GASK1B: variants seen among roughly 807,000 people sequenced by gnomAD.
GASK1B encodes the protein golgi associated kinase 1B.
Under a neutral mutation model 42.8 loss-of-function variants are expected in GASK1B, and 34 were observed. The observed-to-expected ratio is 0.79, with a 90% CI of 0.60 to 1.06. The LOEUF is 1.06. Ranked by LOEUF, GASK1B falls within the 50% of genes least tolerant of loss-of-function variation. The pLI, the probability that GASK1B is intolerant of heterozygous loss-of-function variation, is 0.00. For missense variants in GASK1B, 686 were observed against 661.0 expected (o/e 1.04, Z -0.42); for synonymous variants, 262 against 259.1 (o/e 1.01, Z -0.11).
chr4:158,150,688 C>G (rs1208738602), intron 3 of GASK1B, among the ~76,000 whole-genome samples: 1 of 152,180 alleles, frequency 6.6e-6, no homozygotes, highest in Non-Finnish European at 1.5e-5. Context: ...AGGATGCCTA[C>G]TTCACAGAAC....
At chr4:158,130,752 T>C in intron 4 of GASK1B, 34 bp downstream of exon 4, 1 of 1,480,626 alleles carries the variant, frequency 6.8e-7, no homozygotes, top group Non-Finnish European at 9.4e-7. Context: ...CTAACATAAA[T>C]GTGATGTCCT....
rs749757738 is a variant in GASK1B at position 158,171,066 on chromosome 4, G to C, written c.310C>G (p.Pro104Ala). ...ESQGNGSTLQ[P>A]NVVYITLRSK... ...CGTAGGGTAATGTACACCACATTGG[G>C]CTGCAGAGTGGACCCATTGCCCTGG... Residue 104 changes from proline to alanine, a missense_variant, in exon 2 of 5, where the codon CCC (proline) becomes GCC (alanine). Transcript: ENST00000585682. The C allele has an allele frequency of 3.5e-5, 56 of 1,611,834 alleles. No homozygotes were observed. The Admixed American group carries it at 9.2e-4, about 26-fold the overall frequency.
At chr4:158,127,635 T>G (rs1730513195) in intron 4 of GASK1B, 21 bp from the exon 5 acceptor site, 7 of 1,603,936 alleles carry the variant, frequency 4.4e-6, no homozygotes, top group Non-Finnish European at 6.0e-6. Flanking sequence ...AAAATGATAT[T>G]TCAATCTTAG....
chr4:158,131,260 C>T (rs1217713741), intron 3 of GASK1B, among the ~76,000 whole-genome samples: 1 of 152,164 alleles, frequency 6.6e-6, no homozygotes, highest in Non-Finnish European at 1.5e-5. Context: ...TTAGGCATCT[C>T]CACCCTAAAT....
intron 3 of GASK1B, among the ~76,000 whole-genome samples, chr4:158,154,587 T>C (rs1731687008): frequency 6.6e-6 from 1 of 152,140 alleles, no homozygotes; most frequent in Non-Finnish European, 1.5e-5. Flanking sequence ...CAATTTGCAA[T>C]TGCAAAAATA....
intron 3 of GASK1B, among the ~76,000 whole-genome samples, chr4:158,141,218 TC>T (rs1053154916): frequency 8.0e-4 from 121 of 152,146 alleles, no homozygotes; most frequent in African/African-American, 2.8e-3. Flanking sequence ...ATGTGAGGAA[TC>T]TATATGTTTC....
intron 3 of GASK1B, among the ~76,000 whole-genome samples, chr4:158,131,352 T>C (rs1041604924): frequency 6.6e-6 from 1 of 152,192 alleles, no homozygotes; most frequent in Non-Finnish European, 1.5e-5. Context: ...GAAACACCAT[T>C]GTACTTCTAT....
intron 3 of GASK1B, among the ~76,000 whole-genome samples, chr4:158,149,683 T>C (rs1475979477): frequency 6.6e-6 from 1 of 152,180 alleles, no homozygotes; most frequent in South Asian, 2.1e-4. Context: ...TCACTCTAGG[T>C]ACTTTCATTC....
chr4:158,132,123 G>C (rs1730707854), intron 3 of GASK1B, among the ~76,000 whole-genome samples: 2 of 152,176 alleles, frequency 1.3e-5, no homozygotes, highest in Admixed American at 1.3e-4. Context: ...ATATTAGTAA[G>C]TAAGTAGCAA....
At position 158,155,673 on chromosome 4, in the gene GASK1B, C is replaced by G. The variant is rs1291649804; in HGVS notation, c.1063G>C (p.Gly355Arg). The G allele has an allele frequency of 6.2e-7, 1 of 1,613,884 alleles. No individual in the cohort carries two copies. Among genetic ancestry groups the G allele is most frequent in the South Asian group, 1.1e-5 (1 of 91,074 alleles). Residue 355 changes from glycine to arginine, a missense_variant, in exon 3 of 5, where the codon GGT (glycine) becomes CGT (arginine). Coordinates refer to ENST00000585682, the MANE Select transcript of GASK1B (RefSeq NM_001128424.2). ...QNGRVPKPES[G>R]CTEIHHHEWS... is the part of the protein sequence containing the mutation. ...TCATGATGATGTATTTCAGTACAAC[C>G]CGATTCAGGCTTGGGTACTCGGCCA...
chr4:158,155,597 T>A lies in GASK1B; in HGVS notation c.1125+14A>T, dbSNP rs1731726039. ...CAGTCTTAGATAACTATTTGCTTGATTTGATAAACTTACCTGTAACAAAAA... is the reference window on the plus strand; with the variant it reads ...CAGTCTTAGATAACTATTTGCTTGAATTGATAAACTTACCTGTAACAAAAA... On this transcript the variant is annotated intron_variant, in intron 3 of 4. Transcript: ENST00000585682. 1.9e-6 allele frequency: 3 copies of A among 1,609,028 alleles called. No individual in the cohort carries two copies. In the East Asian group the frequency reaches 6.7e-5, roughly 36 times the overall value.
At chr4:158,166,628 T>C (rs1732240638) in intron 2 of GASK1B, among the ~76,000 whole-genome samples, 1 of 152,134 alleles carries the variant, frequency 6.6e-6, no homozygotes, top group African/African-American at 2.4e-5. Context: ...TTTAATGAAA[T>C]AATGCAAGCA....
At chr4:158,152,572 C>T (rs576735349) in intron 3 of GASK1B, among the ~76,000 whole-genome samples, 3 of 152,088 alleles carry the variant, frequency 2.0e-5, no homozygotes, top group African/African-American at 7.2e-5. Context: ...GACCAATATC[C>T]CTGATGAGCA....
chr4:158,143,940 C>G (rs1207591043), intron 3 of GASK1B, among the ~76,000 whole-genome samples: 1 of 152,036 alleles, frequency 6.6e-6, no homozygotes. Flanking sequence ...TAAAATAAAA[C>G]TATAAGTCAA....
intron 2 of GASK1B, among the ~76,000 whole-genome samples, chr4:158,161,262 C>T (rs1167715814): frequency 6.6e-6 from 1 of 151,420 alleles, no homozygotes; most frequent in Non-Finnish European, 1.5e-5. Context: ...CACATTGTGC[C>T]CATAAACATA....
intron 3 of GASK1B, among the ~76,000 whole-genome samples, chr4:158,145,698 C>T (rs1022274789): frequency 6.6e-6 from 1 of 152,098 alleles, no homozygotes; most frequent in African/African-American, 2.4e-5. Context: ...TTATCTGTCC[C>T]TTGTACTAGA....
chr4:158,156,233 TAAC>T (rs1731755408), intron 2 of GASK1B, among the ~76,000 whole-genome samples: 2 of 152,164 alleles, frequency 1.3e-5, no homozygotes, highest in African/African-American at 4.8e-5. Context: ...TTATTTGTAA[TAAC>T]AACTGTCTGA....
chr4:158,167,031 T>G (rs1487178163), intron 2 of GASK1B: 1 of 152,186 alleles, frequency 6.6e-6, no homozygotes, highest in African/African-American at 2.4e-5. Flanking sequence ...CATAGGATTC[T>G]CAGAAAAATT....
At chr4:158,164,673 G>A (rs763173912) in intron 2 of GASK1B, among the ~76,000 whole-genome samples, 1 of 152,166 alleles carries the variant, frequency 6.6e-6, no homozygotes, top group Non-Finnish European at 1.5e-5. Context: ...TTGCCTATAT[G>A]TCAAAGATTT....
Sources: gnomAD v4.1 joint callset for allele counts (sites outside exome capture counted in the v4.1 genomes callset) on GRCh38, gnomAD v4.1.1 for gene constraint, MANE v1.5 for transcripts, NCBI Gene and HGNC (gene_info 2026-07-23, HGNC 2026-07-21) for gene names.